Variants in IDO1 observed in about 807,000 individuals in gnomAD.
IDO1 encodes the protein indolamine 2,3 dioxygenase.
Under a neutral mutation model 38.8 loss-of-function variants are expected in IDO1, and 35 were observed. The ratio of observed to expected loss-of-function variants is 0.90; its 90% CI spans 0.69 to 1.20. The LOEUF (loss-of-function observed/expected upper bound fraction) is 1.20. Ranked by LOEUF, IDO1 falls within the 50% of genes most tolerant of loss-of-function variation. The pLI is 0.00. For synonymous variants in IDO1, 171 were observed against 170.0 expected (o/e 1.01, Z -0.05); for missense variants, 509 against 485.1 (o/e 1.05, Z -0.46).
chr8:39,922,000 TTTTG>T (rs1226371241), intron 5 of IDO1, among the ~76,000 whole-genome samples: 6 of 152,142 alleles, frequency 3.9e-5, no homozygotes, highest in East Asian at 1.9e-4. Flanking sequence ...TGTTGTTTTG[TTTTG>T]TTTATTTGTT....
rs1807341334 is a variant in IDO1, at chr8:39,925,231, G to C, written c.716G>C (p.Gly239Ala). 2 of 1,583,018 alleles carry C rather than the reference G, an allele frequency of 1.3e-6. No individual in the cohort carries two copies. The highest frequency in any genetic ancestry group is 1.7e-6 in the Non-Finnish European group (2 of 1,168,714). The change falls in exon 9 of 10, where the codon GGC becomes GCC. Residue 239 changes from glycine to alanine, a missense_variant. Gly to Ala is a moderately conservative substitution (Grantham distance 60). Transcript: ENST00000518237. ...VLRIYLSGWK[G>A]NPQLSDGLVY... ...TTTCTTTCCTCTGATAGCTGGAAAG[G>C]CAACCCCCAGCTATCAGACGGTCTG...
intron 9 of IDO1, 68 bp downstream of exon 9, chr8:39,925,439 G>A (rs1163412155): frequency 2.1e-6 from 3 of 1,419,726 alleles, no homozygotes; most frequent in Admixed American, 2.3e-5. Context: ...TATCTACAAA[G>A]CACCTTCCCA....
rs950292621 is a variant in IDO1 at position 39,918,156 on chromosome 8, A to T, written c.252A>T (p.Gly84=). 6.2e-7 allele frequency: 1 copy of T among 1,613,990 alleles called. No homozygotes were observed. Among genetic ancestry groups the T allele is most frequent in the Non-Finnish European group, 8.5e-7 (1 of 1,179,866 alleles). ...AGCGCCTTGCACGTCTAGTTCTGGGATGCATCACCATGGCATATGTGTGGG... is the reference window on the plus strand; with the variant it reads ...AGCGCCTTGCACGTCTAGTTCTGGGTTGCATCACCATGGCATATGTGTGGG... ...KSQRLARLVL[G]CITMAYVWGK... is the part of the protein sequence containing the mutation. Residue 84 remains glycine (G), a synonymous_variant, in exon 3 of 10, where the codon GGA becomes GGT. Coordinates refer to ENST00000518237, the MANE Select transcript of IDO1 (RefSeq NM_002164.6).
intron 1 of IDO1, among the ~76,000 whole-genome samples, chr8:39,916,540 C>G (rs556736366): frequency 6.6e-6 from 1 of 152,158 alleles, no homozygotes; most frequent in Non-Finnish European, 1.5e-5. Context: ...ATTCACTGTC[C>G]CGGAAACATG....
intron 9 of IDO1, among the ~76,000 whole-genome samples, chr8:39,926,262 T>G (rs1807358334): frequency 6.6e-6 from 1 of 152,166 alleles, no homozygotes; most frequent in South Asian, 2.1e-4. Flanking sequence ...ACACCCAAGT[T>G]CCATCTTGAA....
At chr8:39,916,091 G>C (rs1417075187) in intron 1 of IDO1, among the ~76,000 whole-genome samples, 1 of 152,082 alleles carries the variant, frequency 6.6e-6, no homozygotes, top group Admixed American at 6.6e-5. Context: ...GCTTGAACCT[G>C]GGAGTCGGAG....
At position 39,925,555 on chromosome 8, in the gene IDO1, G is replaced by A. The variant is rs146651046; in HGVS notation, c.856+184G>A. Among the ~76,000 whole-genome samples, 250 of 152,294 alleles carry A rather than the reference G, an allele frequency of 1.6e-3. 1 individual carries two copies. Among genetic ancestry groups the A allele is most frequent in the African/African-American group, 5.5e-3 (229 of 41,556 alleles). On this transcript the variant is annotated intron_variant, in intron 9 of 9. Coordinates refer to ENST00000518237, the MANE Select transcript of IDO1 (RefSeq NM_002164.6). Reference sequence around the variant, plus strand: ...AAATGAAGATGCAGAAACTTAATGAGAGTCAGTGACAGGTTCCTTGTGAAC... The same window carrying A: ...AAATGAAGATGCAGAAACTTAATGAAAGTCAGTGACAGGTTCCTTGTGAAC...
chr8:39,922,724 A>G (rs1246215374), intron 6 of IDO1, 73 bp downstream of exon 6: 1 of 927,662 alleles, frequency 1.1e-6, no homozygotes, highest in Non-Finnish European at 1.8e-6. Context: ...AGCCTAAACT[A>G]TACTAAGCAT....
At chr8:39,918,014 AC>A (rs1563414823) in intron 2 of IDO1, 44 bp downstream of exon 2, 1 of 1,611,322 alleles carries the variant, frequency 6.2e-7, no homozygotes, top group Admixed American at 1.7e-5. Flanking sequence ...TAGCTTCTTA[AC>A]ATTGTTAACT....
intron 8 of IDO1, 149 bp downstream of exon 8, chr8:39,924,921 A>T: frequency 2.8e-6 from 2 of 716,250 alleles, no homozygotes; most frequent in Non-Finnish European, 4.9e-6. Flanking sequence ...CTGTTCTGTT[A>T]TCACTTGGCC....
Position 39,918,433 on chromosome 8 carries a change from C to T in IDO1, c.303+226C>T, listed in dbSNP as rs1423483612. 44 of 538,910 alleles carry T rather than the reference C, an allele frequency of 8.2e-5. No individual in the cohort carries two copies. In the East Asian group the frequency reaches 1.4e-3, roughly 17 times the overall value. 33.4% of individuals were successfully genotyped at this position (538,910 alleles called of 1,614,324 possible). ...TTCATCCTGTATTTTATCTGGCAAC[C>T]CTAATTACATAAAACTAATACAGAC... is the stretch of plus-strand genomic sequence containing the variant. On this transcript the variant is annotated intron_variant, in intron 3 of 9. Transcript: ENST00000518237.
chr8:39,914,059 T>A, intron 1 of IDO1, 50 bp downstream of exon 1: 1 of 1,317,292 alleles, frequency 7.6e-7, no homozygotes. Flanking sequence ...TTCTCATTCC[T>A]TACCTGGCCA....
intron 4 of IDO1, chr8:39,919,150 C>T: frequency 1.4e-6 from 1 of 690,982 alleles, no homozygotes; most frequent in Non-Finnish European, 2.7e-6. Context: ...CAGTAAAATG[C>T]ACAAATCTTA....
chr8:39,925,906 A>G (rs1981789), intron 9 of IDO1, among the ~76,000 whole-genome samples: 113,604 of 151,584 alleles, frequency 0.75, 45,133 homozygotes, highest in East Asian at 0.88. Context: ...AAAAATAAAA[A>G]GCCAGGTGCA....
intron 5 of IDO1, 64 bp downstream of exon 5, chr8:39,920,178 A>T (rs1237575472): frequency 7.9e-7 from 1 of 1,271,486 alleles, no homozygotes; most frequent in Non-Finnish European, 1.1e-6. Flanking sequence ...ATGTAGGTTT[A>T]TCAATAGACT....
rs752227612 is a variant in IDO1, at chr8:39,923,462, G to GTTTTA, written c.538-6_538-2dup. The GTTTTA allele has an allele frequency of 6.6e-5, 94 of 1,427,382 alleles. No homozygotes were observed. The African/African-American group carries it at 8.7e-4, about 13-fold the overall frequency. The allele number at this position is 1,427,382 out of a possible 1,614,324, so 88.4% of individuals were successfully genotyped here. A position where few individuals can be genotyped will look rare whatever the true frequency, so the allele number is the denominator to read the frequency against. On this transcript the variant is annotated splice_region_variant and splice_polypyrimidine_tract_variant and intron_variant, in intron 6 of 9. Transcript: ENST00000518237. Reference sequence around the variant, plus strand: ...TTAAATGTTTGTGTTTTGTTTGTTTGTTTTAGGTAATTCCTACTGTATTCA... The same window carrying GTTTTA: ...TTAAATGTTTGTGTTTTGTTTGTTTGTTTTATTTTAGGTAATTCCTACTGTATTCA...
rs922228308 is a variant in IDO1 at position 39,928,643 on chromosome 8, G to A, written c.*458G>A. The stretch of plus-strand genomic sequence containing the variant: ...AGCTACTCGGGAGGCTGAGGCAGGA[G>A]AATGGCGTGAACCTGGGAGGCGGAG... On this transcript the variant is annotated 3_prime_UTR_variant, in exon 10 of 10. Transcript: ENST00000518237. 6.6e-6 allele frequency among the ~76,000 whole-genome samples: 1 copy of A among 150,946 alleles called. No homozygotes were observed. The highest frequency in any genetic ancestry group is 2.4e-5 in the African/African-American group (1 of 41,040).
Position 39,924,778 on chromosome 8 carries a change from T to C in IDO1, c.707+6T>C, listed in dbSNP as rs1257326045. ...CTTCGCATATATTTGTCTGGGTATG[T>C]AGTCTTATGTTTGAATTTGTTTGCT... On this transcript the variant is annotated splice_donor_region_variant and intron_variant, in intron 8 of 9. Transcript: ENST00000518237. 1 of 1,599,832 alleles carries C rather than the reference T, an allele frequency of 6.3e-7. No homozygotes were observed.
chr8:39,921,773 T>C (rs1328220061), intron 5 of IDO1, among the ~76,000 whole-genome samples: 2 of 152,190 alleles, frequency 1.3e-5, no homozygotes, highest in Non-Finnish European at 2.9e-5. Flanking sequence ...CAGGGTCTAA[T>C]CAGTTATTTG....
Sources: gnomAD v4.1 joint callset for allele counts (sites outside exome capture counted in the v4.1 genomes callset) on GRCh38, gnomAD v4.1.1 for gene constraint, MANE v1.5 for transcripts, NCBI Gene and HGNC (gene_info 2026-07-23, HGNC 2026-07-21) for gene names.